Variants in IPO8 observed in about 807,000 individuals in gnomAD.
The protein encoded by IPO8 is importin-8.
In IPO8, 65 loss-of-function variants were observed where a neutral mutation model predicts 141.2. The ratio of observed to expected loss-of-function variants is 0.46; its 90% CI spans 0.38 to 0.57. IPO8 has a LOEUF of 0.57. Ranked by LOEUF, IPO8 falls within the 20% of genes least tolerant of loss-of-function variation. The pLI, the probability that IPO8 is intolerant of heterozygous loss-of-function variation, is 0.00. For missense variants in IPO8, 980 were observed against 1,246.8 expected (o/e 0.79, Z 3.22); for synonymous variants, 411 against 420.3 (o/e 0.98, Z 0.27).
At position 30,630,799 on chromosome 12, in the gene IPO8, T is replaced by TCA. The variant is rs2052420197; in HGVS notation, c.*59_*60dup. 2 of 1,390,792 alleles carry TCA rather than the reference T, an allele frequency of 1.4e-6. No individual in the cohort carries two copies. Among genetic ancestry groups the TCA allele is most frequent in the South Asian group, 1.2e-5 (1 of 84,622 alleles). The allele number at this position is 1,390,792 out of a possible 1,614,324, so 86.2% of individuals were successfully genotyped here. A position where few individuals can be genotyped will look rare whatever the true frequency, so the allele number is the denominator to read the frequency against. Reference sequence around the variant, plus strand: ...GCCCCTCATTTCATCCCCTTGACCCTCACACTCCTCTTGTGAAATAAAATG... The same window carrying TCA: ...GCCCCTCATTTCATCCCCTTGACCCTCACACACTCCTCTTGTGAAATAAAATG... On this transcript the variant is annotated 3_prime_UTR_variant, in exon 25 of 25. Coordinates refer to ENST00000256079, the MANE Select transcript of IPO8 (RefSeq NM_006390.4).
Position 30,632,043 on chromosome 12 carries a change from G to A in IPO8, c.2900-32C>T, listed in dbSNP as rs778306999. ...CATTTTGGGAGGAAAAGACAGGAGGGTACAGCGACTATTAATTTACAGAAC... is the reference window on the plus strand; with the variant it reads ...CATTTTGGGAGGAAAAGACAGGAGGATACAGCGACTATTAATTTACAGAAC... On this transcript the variant is annotated intron_variant, in intron 23 of 24. Coordinates refer to ENST00000256079, the MANE Select transcript of IPO8 (RefSeq NM_006390.4). 2.1e-6 allele frequency: 3 copies of A among 1,397,698 alleles called. No individual in the cohort carries two copies. The South Asian group carries it at 3.5e-5, about 16-fold the overall frequency. The allele number at this position is 1,397,698 out of a possible 1,614,324, so 86.6% of individuals were successfully genotyped here.
intron 20 of IPO8, among the ~76,000 whole-genome samples, chr12:30,644,653 GTTTTTT>G (rs1169009653): frequency 7.8e-6 from 1 of 128,156 alleles, no homozygotes; most frequent in Non-Finnish European, 1.8e-5. Context: ...TTTTTTTTTT[GTTTTTT>G]TTTTTTTTTG....
intron 1 of IPO8, among the ~76,000 whole-genome samples, chr12:30,692,338 T>C (rs1320678283): frequency 6.6e-6 from 1 of 152,238 alleles, no homozygotes; most frequent in Non-Finnish European, 1.5e-5. Flanking sequence ...TGCAACTGTT[T>C]GCCATTTTAA....
chr12:30,649,027 A>G, intron 20 of IPO8, 110 bp downstream of exon 20: 4 of 696,516 alleles, frequency 5.7e-6, no homozygotes, highest in African/African-American at 1.8e-5. Context: ...AGAAAGCACA[A>G]TCTATAGGCT....
At chr12:30,690,373 A>G in intron 2 of IPO8, 123 bp downstream of exon 2, 1 of 630,866 alleles carries the variant, frequency 1.6e-6, no homozygotes. Context: ...GTCACTGGAA[A>G]TACTTCATGA....
At chr12:30,638,982 A>G (rs761636999) in intron 21 of IPO8, among the ~76,000 whole-genome samples, 2 of 152,062 alleles carry the variant, frequency 1.3e-5, no homozygotes, top group Non-Finnish European at 2.9e-5. Flanking sequence ...CACTCTTCCT[A>G]TTTTTGAAAA....
At chr12:30,660,981 C>A (rs2052878304) in intron 16 of IPO8, among the ~76,000 whole-genome samples, 160 bp downstream of exon 16, 1 of 123,844 alleles carries the variant, frequency 8.1e-6, no homozygotes, top group Admixed American at 7.6e-5. Flanking sequence ...GTTACTCAGT[C>A]ATTTTAATAT....
intron 1 of IPO8, among the ~76,000 whole-genome samples, chr12:30,693,517 G>T (rs2053310342): frequency 6.6e-6 from 1 of 152,200 alleles, no homozygotes. Context: ...TTGCTGAGGG[G>T]AGACCTAGAC....
intron 22 of IPO8, 80 bp from the exon 23 acceptor site, chr12:30,634,366 T>C (rs1457871173): frequency 2.6e-6 from 3 of 1,147,992 alleles, no homozygotes; most frequent in South Asian, 2.8e-5. Flanking sequence ...AACCAAAGAC[T>C]ATAAAACTAC....
chr12:30,644,159 G>A (rs1202181456), intron 20 of IPO8, among the ~76,000 whole-genome samples: 1 of 152,108 alleles, frequency 6.6e-6, no homozygotes, highest in Non-Finnish European at 1.5e-5. Flanking sequence ...CTTGAAGCCA[G>A]GAGTTAGAGA....
At position 30,684,471 on chromosome 12, in the gene IPO8, A is replaced by C. The variant is rs778766105; in HGVS notation, c.167-14T>G. On this transcript the variant is annotated splice_polypyrimidine_tract_variant and intron_variant, in intron 2 of 24. Transcript: ENST00000256079. ...GGTAAATGGCAGCTGAGTTTGAGAA[A>C]AAATGCTAATGTAGCAGTACCAAAA... The C allele has an allele frequency of 1.3e-5, 21 of 1,613,406 alleles. No individual in the cohort carries two copies. The South Asian group carries it at 2.3e-4, about 18-fold the overall frequency.
At chr12:30,636,351 C>T (rs2052500029) in intron 22 of IPO8, among the ~76,000 whole-genome samples, 1 of 152,082 alleles carries the variant, frequency 6.6e-6, no homozygotes, top group Non-Finnish European at 1.5e-5. Context: ...AATGCTACTT[C>T]CTAGTCTCTA....
At chr12:30,671,870 T>C (rs1433759860) in intron 8 of IPO8, among the ~76,000 whole-genome samples, 1 of 151,684 alleles carries the variant, frequency 6.6e-6, no homozygotes, top group Non-Finnish European at 1.5e-5. Context: ...TTAAATTAAC[T>C]CCCTCAACTT....
intron 22 of IPO8, among the ~76,000 whole-genome samples, chr12:30,636,040 C>T (rs2052496348): frequency 6.6e-6 from 1 of 152,002 alleles, no homozygotes; most frequent in African/African-American, 2.4e-5. Context: ...ACAAAAATCA[C>T]ACATGCAACA....
At chr12:30,635,968 G>GA (rs1374585522) in intron 22 of IPO8, among the ~76,000 whole-genome samples, 2 of 151,744 alleles carry the variant, frequency 1.3e-5, no homozygotes, top group African/African-American at 2.4e-5. Flanking sequence ...TAACATACTG[G>GA]AAAAAATAAA....
intron 16 of IPO8, among the ~76,000 whole-genome samples, chr12:30,658,854 C>T (rs2052838484): frequency 6.7e-6 from 1 of 148,428 alleles, no homozygotes; most frequent in South Asian, 2.1e-4. Flanking sequence ...CAAATGAAGA[C>T]TAGTCCAGAA....
At position 30,649,205 on chromosome 12, in the gene IPO8, C is replaced by T; in HGVS notation, c.2200G>A (p.Ala734Thr). The change falls in exon 20 of 25, where the codon GCA becomes ACA. Residue 734 changes from alanine (A) to threonine (T), a missense_variant. This residue lies in a region of IPO8 where 924 missense variants were observed against 1,153.9 expected (regional missense o/e 0.80). Transcript: ENST00000256079. ...KVLCGDAGEDAECHAAKLLEV... is the reference protein window; with the variant it reads ...KVLCGDAGEDTECHAAKLLEV... ...AGAAGTTTAGCTGCATGACACTCTG[C>T]ATCTTCTCCTGCATCTCCACATAGT... 6.2e-7 allele frequency: 1 copy of T among 1,613,090 alleles called. No homozygotes were observed. The highest frequency in any genetic ancestry group is 8.5e-7 in the Non-Finnish European group (1 of 1,179,288).
chr12:30,690,738 T>G lies in IPO8; in HGVS notation c.85-161A>C, dbSNP rs1195374549. Among the ~76,000 whole-genome samples the G allele has an allele frequency of 3.3e-5, 5 of 152,278 alleles. No individual in the cohort carries two copies. The East Asian group carries it at 9.6e-4, about 29-fold the overall frequency. On this transcript the variant is annotated intron_variant, in intron 1 of 24. Transcript: ENST00000256079. The stretch of plus-strand genomic sequence containing the variant: ...ATGAAGATTACTAAAATACTTCAAG[T>G]CAAAAAAATTTCCTGAGCAGAAACT...
At chr12:30,670,000 A>G (rs1425444593) in intron 9 of IPO8, among the ~76,000 whole-genome samples, 1 of 152,236 alleles carries the variant, frequency 6.6e-6, no homozygotes, top group Non-Finnish European at 1.5e-5. Flanking sequence ...CCTAAGGATC[A>G]GCGTTTTCTT....
Sources: allele counts gnomAD v4.1 joint callset (sites outside exome capture counted in the v4.1 genomes callset), GRCh38; gene constraint gnomAD v4.1.1; regional missense constraint gnomAD v4.1.1; transcripts MANE v1.5; gene names NCBI Gene and HGNC (gene_info 2026-07-23, HGNC 2026-07-21).